Variants in SMAP1 observed in about 807,000 individuals in gnomAD.
The protein encoded by SMAP1 is small ArfGAP 1.
In SMAP1, 24 loss-of-function variants were observed where a neutral mutation model predicts 58.5. The ratio of observed to expected loss-of-function variants is 0.41; its 90% CI spans 0.30 to 0.58. The LOEUF is 0.58. Among genes scored for constraint, SMAP1 ranks in the 20% least tolerant of loss-of-function variants. The pLI, the probability that SMAP1 is intolerant of heterozygous loss-of-function variation, is 0.29. For missense variants in SMAP1, 563 were observed against 566.3 expected, an observed-to-expected ratio of 0.99 and a Z score of 0.06; for synonymous variants, 216 against 196.6, an observed-to-expected ratio of 1.10 and a Z score of -0.82.
chr6:70,700,684 C>G (rs779338530), intron 1 of SMAP1, among the ~76,000 whole-genome samples: 2 of 151,974 alleles, frequency 1.3e-5, no homozygotes, highest in Non-Finnish European at 2.9e-5. Flanking sequence ...GAGTCTCTCC[C>G]CATAGCCACC....
At chr6:70,757,496 A>G (rs1766545609) in intron 3 of SMAP1, among the ~76,000 whole-genome samples, 2 of 152,092 alleles carry the variant, frequency 1.3e-5, no homozygotes, top group Non-Finnish European at 2.9e-5. Context: ...CAGCAATGGC[A>G]ACAAAAGCCA....
At chr6:70,817,663 G>A (rs1769697999) in intron 6 of SMAP1, among the ~76,000 whole-genome samples, 1 of 152,108 alleles carries the variant, frequency 6.6e-6, no homozygotes, top group Non-Finnish European at 1.5e-5. Flanking sequence ...TCTCAAAGAT[G>A]TTCACAGAGT....
intron 7 of SMAP1, among the ~76,000 whole-genome samples, chr6:70,847,272 C>G (rs1044213548): frequency 6.6e-6 from 1 of 152,132 alleles, no homozygotes; most frequent in African/African-American, 2.4e-5. Flanking sequence ...TCTAACATCT[C>G]TCAGTGTCAT....
Position 70,858,026 on chromosome 6 carries a change from A to T in SMAP1, c.1066A>T (p.Ile356Leu), listed in dbSNP as rs1404879149. The T allele has an allele frequency of 2.5e-6, 4 of 1,613,984 alleles. No homozygotes were observed. The highest frequency in any genetic ancestry group is 3.4e-6 in the Non-Finnish European group (4 of 1,180,000). ...GCCTGTGCCTGCAGCTCCTGGCCTTATAGGAAATGTGATGGGACAGAGTCC... is the reference window on the plus strand; with the variant it reads ...GCCTGTGCCTGCAGCTCCTGGCCTTTTAGGAAATGTGATGGGACAGAGTCC... The part of the protein sequence containing the change: ...GVPVPAAPGL[I>L]GNVMGQSPSM... Residue 356 changes from isoleucine to leucine, a missense_variant, in exon 10 of 11, where the codon ATA becomes TTA. Coordinates refer to ENST00000370455, the MANE Select transcript of SMAP1 (RefSeq NM_001044305.3).
intron 1 of SMAP1, among the ~76,000 whole-genome samples, chr6:70,718,428 A>C (rs1295703493): frequency 6.6e-6 from 1 of 152,204 alleles, no homozygotes; most frequent in Non-Finnish European, 1.5e-5. Context: ...AATGTGAAAA[A>C]GCAATGTTGG....
At chr6:70,673,756 G>T (rs1766362918) in intron 1 of SMAP1, among the ~76,000 whole-genome samples, 1 of 152,188 alleles carries the variant, frequency 6.6e-6, no homozygotes, top group African/African-American at 2.4e-5. Flanking sequence ...TAATTCTGCT[G>T]ATCTCGAGGT....
intron 7 of SMAP1, among the ~76,000 whole-genome samples, chr6:70,845,436 T>G (rs963533931): frequency 6.6e-6 from 1 of 152,244 alleles, no homozygotes; most frequent in African/African-American, 2.4e-5. Context: ...CAGTTTGAAA[T>G]CTGGATTAAT....
chr6:70,758,985 G>A (rs1766635420), intron 3 of SMAP1, among the ~76,000 whole-genome samples: 1 of 152,108 alleles, frequency 6.6e-6, no homozygotes, highest in Admixed American at 6.6e-5. Context: ...GGAAACATGA[G>A]TCTGGACCCT....
At chr6:70,806,012 A>G (rs1407792505) in intron 6 of SMAP1, among the ~76,000 whole-genome samples, 1 of 152,200 alleles carries the variant, frequency 6.6e-6, no homozygotes, top group Non-Finnish European at 1.5e-5. Flanking sequence ...GCTCAAATGC[A>G]GTGCTGGGAG....
chr6:70,718,123 G>C (rs751466888), intron 1 of SMAP1, among the ~76,000 whole-genome samples: 27 of 150,330 alleles, frequency 1.8e-4, no homozygotes, highest in Non-Finnish European at 3.4e-4. Context: ...AAATTTTATT[G>C]TTTACTGGCA....
chr6:70,735,015 G>A (rs949903594), intron 2 of SMAP1: 3 of 152,926 alleles, frequency 2.0e-5, no homozygotes, highest in Admixed American at 6.5e-5. Context: ...ATACTGGTGA[G>A]TGTCTGGAAG....
chr6:70,841,848 C>A (rs2150002086), intron 7 of SMAP1, among the ~76,000 whole-genome samples: 1 of 152,212 alleles, frequency 6.6e-6, no homozygotes, highest in East Asian at 1.9e-4. Flanking sequence ...GCAACATATA[C>A]CCAGTTTTAT....
intron 10 of SMAP1, chr6:70,859,473 ATGTTAG>A: frequency 8.9e-7 from 1 of 1,120,310 alleles, no homozygotes; most frequent in Non-Finnish European, 1.3e-6. Flanking sequence ...GATGTAGTTT[ATGTTAG>A]TGTCTTTGAA....
At chr6:70,707,909 G>A (rs1256599160) in intron 1 of SMAP1, among the ~76,000 whole-genome samples, 1 of 152,304 alleles carries the variant, frequency 6.6e-6, no homozygotes, top group South Asian at 2.1e-4. Flanking sequence ...GATTTCTACA[G>A]TCAAACAAAT....
chr6:70,753,805 C>T (rs9360426), intron 2 of SMAP1, among the ~76,000 whole-genome samples: 21,244 of 151,730 alleles, frequency 0.14, 2,812 homozygotes, highest in East Asian at 0.54. Flanking sequence ...CACTGCCCTC[C>T]GCCCCCCGCC....
intron 6 of SMAP1, among the ~76,000 whole-genome samples, chr6:70,808,120 A>G (rs1023456885): frequency 9.2e-5 from 14 of 152,086 alleles, no homozygotes; most frequent in African/African-American, 2.9e-4. Flanking sequence ...ACTGAGGGGG[A>G]AGAAGAAGAG....
chr6:70,675,359 A>T (rs1766440449), intron 1 of SMAP1, among the ~76,000 whole-genome samples: 1 of 151,926 alleles, frequency 6.6e-6, no homozygotes, highest in African/African-American at 2.4e-5. Flanking sequence ...TCATTAAAAA[A>T]ATTTTAGGAG....
chr6:70,728,561 G>C (rs1765284357), intron 1 of SMAP1, among the ~76,000 whole-genome samples: 1 of 152,148 alleles, frequency 6.6e-6, no homozygotes, highest in South Asian at 2.1e-4. Context: ...CCTTACTGTA[G>C]GTGATACAGA....
intron 5 of SMAP1, among the ~76,000 whole-genome samples, chr6:70,793,472 T>A (rs1768456628): frequency 6.6e-6 from 1 of 151,990 alleles, no homozygotes; most frequent in Non-Finnish European, 1.5e-5. Flanking sequence ...TGCCAATTAG[T>A]GAGACAAGGA....
Sources: allele counts gnomAD v4.1 joint callset (sites outside exome capture counted in the v4.1 genomes callset), GRCh38; gene constraint gnomAD v4.1.1; transcripts MANE v1.5; gene names NCBI Gene and HGNC (gene_info 2026-07-23, HGNC 2026-07-21).